The following KMO variants were observed in gnomAD, a reference collection of about 807,000 sequenced individuals.
KMO encodes kynurenine 3-monooxygenase.
A neutral mutation model predicts 57.8 loss-of-function variants in KMO; 24 were observed. The observed-to-expected ratio is 0.42, with a 90% CI of 0.30 to 0.58. KMO has a LOEUF of 0.58. Among genes scored for constraint, KMO ranks in the 20% least tolerant of loss-of-function variants. KMO has a pLI of 0.22. For missense variants in KMO, 483 were observed against 588.2 expected (o/e 0.82, Z 1.85); for synonymous variants, 210 against 193.6 (o/e 1.08, Z -0.70).
Position 241,586,604 on chromosome 1 carries a change from T to C in KMO, c.958-75T>C. 2 of 945,066 alleles carry C rather than the reference T, an allele frequency of 2.1e-6. 1 individual carries two copies. The highest frequency in any genetic ancestry group is 3.4e-6 in the Non-Finnish European group (2 of 595,720). 58.5% of individuals were successfully genotyped at this position (945,066 alleles called of 1,614,324 possible). On this transcript the variant is annotated intron_variant, in intron 10 of 14. Coordinates refer to ENST00000366559, the MANE Select transcript of KMO (RefSeq NM_003679.5). ...GAATTATCTTCACCAATGGAATATCTATTCAAAATCAATAATAAGGGTTTC... is the reference window on the plus strand; with the variant it reads ...GAATTATCTTCACCAATGGAATATCCATTCAAAATCAATAATAAGGGTTTC...
intron 10 of KMO, among the ~76,000 whole-genome samples, chr1:241,576,088 G>GCTTT (rs1302798793): frequency 6.7e-6 from 1 of 149,592 alleles, no homozygotes. Flanking sequence ...ACCCCTGCTT[G>GCTTT]CTTTCAGTTT....
At chr1:241,563,725 T>TA (rs1317719424) in intron 7 of KMO, among the ~76,000 whole-genome samples, 1 of 152,210 alleles carries the variant, frequency 6.6e-6, no homozygotes, top group Non-Finnish European at 1.5e-5. Flanking sequence ...TTGATGGTTT[T>TA]AAAAAATGTC....
intron 10 of KMO, among the ~76,000 whole-genome samples, chr1:241,569,328 C>T (rs546978248): frequency 3.0e-4 from 46 of 151,298 alleles, no homozygotes; most frequent in African/African-American, 1.1e-3. Flanking sequence ...CACCCTACTA[C>T]CATTCCCAGT....
At position 241,548,943 on chromosome 1, in the gene KMO, G is replaced by T. The variant is rs144175101; in HGVS notation, c.124+45G>T. On this transcript the variant is annotated intron_variant, in intron 2 of 14. Transcript: ENST00000366559. The stretch of plus-strand genomic sequence containing the variant: ...AGCAGGATGAACGCTGGGCACGGTG[G>T]CTCCTGGCACTTTGGGAGGCCAGGG... 2.5e-4 allele frequency: 337 copies of T among 1,329,478 alleles called. 3 individuals are homozygous for T. The African/African-American group carries it at 4.0e-3, about 16-fold the overall frequency. The allele number at this position is 1,329,478 out of a possible 1,614,324, so 82.4% of individuals were successfully genotyped here.
intron 14 of KMO, 184 bp downstream of exon 14, chr1:241,590,447 G>T: frequency 1.9e-6 from 1 of 538,650 alleles, no homozygotes; most frequent in Non-Finnish European, 3.3e-6. Context: ...TTACAAGGAG[G>T]TGGCAAAGAG....
intron 10 of KMO, among the ~76,000 whole-genome samples, chr1:241,574,442 T>C (rs1180013351): frequency 6.6e-6 from 1 of 152,090 alleles, no homozygotes; most frequent in East Asian, 1.9e-4. Context: ...GGTTAGTCCC[T>C]TCTATGCCTA....
At chr1:241,535,697 A>G (rs1464544703) in intron 1 of KMO, among the ~76,000 whole-genome samples, 1 of 152,210 alleles carries the variant, frequency 6.6e-6, no homozygotes, top group African/African-American at 2.4e-5. Context: ...TTTCAAGAAC[A>G]TTGACCTAAA....
intron 4 of KMO, among the ~76,000 whole-genome samples, chr1:241,554,517 G>C (rs560966893): frequency 5.9e-5 from 9 of 151,956 alleles, no homozygotes; most frequent in African/African-American, 2.2e-4. Context: ...CAAGTGATCA[G>C]CTTGCCTCAG....
rs1053183 is a variant in KMO, at chr1:241,595,329, A to G, written c.*3176A>G. On this transcript the variant is annotated 3_prime_UTR_variant, in exon 15 of 15. Transcript: ENST00000366559. ...CTGTTCCTCTCTACAAGAACCTGGGAGGCCAACGCCTAAAGATCATAATAT... is the reference window on the plus strand; with the variant it reads ...CTGTTCCTCTCTACAAGAACCTGGGGGGCCAACGCCTAAAGATCATAATAT... The G allele has an allele frequency of 0.28, 42,398 of 152,154 alleles. 6,228 individuals are homozygous for G. Among genetic ancestry groups the G allele is most frequent in the East Asian group, 0.42 (2,182 of 5,156 alleles). 9.4% of individuals were successfully genotyped at this position (152,154 alleles called of 1,614,324 possible).
chr1:241,558,988 C>G (rs2147957804), intron 5 of KMO, among the ~76,000 whole-genome samples: 1 of 151,806 alleles, frequency 6.6e-6, no homozygotes, highest in Admixed American at 6.6e-5. Context: ...TGGTGGGCGC[C>G]TGTAATCCCA....
At chr1:241,561,871 C>A (rs1479378083) in intron 6 of KMO, among the ~76,000 whole-genome samples, 1 of 152,238 alleles carries the variant, frequency 6.6e-6, no homozygotes, top group East Asian at 1.9e-4. Context: ...GAACACTTGC[C>A]CTGTTTTCAA....
chr1:241,575,668 G>A (rs929990083), intron 10 of KMO, among the ~76,000 whole-genome samples: 2 of 152,034 alleles, frequency 1.3e-5, no homozygotes, highest in Non-Finnish European at 2.9e-5. Context: ...AAAATTTATT[G>A]AGACTTGTTT....
intron 10 of KMO, among the ~76,000 whole-genome samples, chr1:241,570,640 A>T (rs1662237755): frequency 6.6e-6 from 1 of 152,060 alleles, no homozygotes; most frequent in South Asian, 2.1e-4. Context: ...CCATTGGTCA[A>T]TGTGTCTGTC....
intron 10 of KMO, among the ~76,000 whole-genome samples, chr1:241,579,084 T>C (rs1302990272): frequency 3.3e-5 from 5 of 152,020 alleles, no homozygotes; most frequent in African/African-American, 1.2e-4. Context: ...GAGATTTGGG[T>C]GGGGACACAG....
chr1:241,532,466 A>C lies in KMO; in HGVS notation c.22A>C (p.Arg8=). The change falls in exon 1 of 15, where the codon AGG becomes CGG. Residue 8 remains arginine (R), a synonymous_variant. Transcript: ENST00000366559. MDSSVIQ[R]KKVAVIGGGL... ...AGTTATGGACTCATCTGTCATTCAA[A>C]GGAAAAAAGTAGCTGTCATTGGTGG... 3 of 1,611,162 alleles carry C rather than the reference A, an allele frequency of 1.9e-6. No individual in the cohort carries two copies. Among genetic ancestry groups the C allele is most frequent in the Non-Finnish European group, 2.5e-6 (3 of 1,179,324 alleles).
intron 10 of KMO, among the ~76,000 whole-genome samples, chr1:241,581,315 C>CATT (rs1261918970): frequency 7.2e-5 from 11 of 151,898 alleles, no homozygotes; most frequent in Non-Finnish European, 1.3e-4. Context: ...GAATTTATTC[C>CATT]ATTTAGTTTC....
chr1:241,589,150 T>C (rs545369907), intron 12 of KMO, among the ~76,000 whole-genome samples: 5 of 152,322 alleles, frequency 3.3e-5, no homozygotes, highest in Non-Finnish European at 7.3e-5. Flanking sequence ...TTCAGATGTG[T>C]CAACATATTT....
At chr1:241,541,351 T>A (rs1006459978) in intron 1 of KMO, among the ~76,000 whole-genome samples, 17 of 152,348 alleles carry the variant, frequency 1.1e-4, no homozygotes, top group African/African-American at 4.1e-4. Context: ...CAATTGCTAT[T>A]CTCTAAGATA....
intron 3 of KMO, chr1:241,550,060 G>T: frequency 3.7e-6 from 1 of 272,420 alleles, no homozygotes; most frequent in Non-Finnish European, 6.9e-6. Context: ...TGGCATCCAG[G>T]ATAAAAGGAG....
Sources: allele counts gnomAD v4.1 joint callset (sites outside exome capture counted in the v4.1 genomes callset), GRCh38; gene constraint gnomAD v4.1.1; transcripts MANE v1.5; gene names NCBI Gene and HGNC (gene_info 2026-07-23, HGNC 2026-07-21).